The following MAP4K4 variants were observed in gnomAD, a reference collection of about 807,000 sequenced individuals.
The protein encoded by MAP4K4 is HPK/GCK-like kinase HGK.
In MAP4K4, 38 loss-of-function variants were observed where a neutral mutation model predicts 189.6. The observed-to-expected ratio is 0.20, with a 90% CI of 0.15 to 0.26. The LOEUF (loss-of-function observed/expected upper bound fraction) is 0.26. MAP4K4 is among the 10% of genes least tolerant of loss of function. The pLI, the probability that MAP4K4 is intolerant of heterozygous loss-of-function variation, is 1.00. For synonymous variants in MAP4K4, 610 were observed against 624.3 expected, an observed-to-expected ratio of 0.98 and a Z score of 0.34; for missense variants, 1,054 against 1,726.9, an observed-to-expected ratio of 0.61 and a Z score of 6.91.
At chr2:101,791,267 A>G (rs1426635062) in intron 3 of MAP4K4, among the ~76,000 whole-genome samples, 1 of 152,132 alleles carries the variant, frequency 6.6e-6, no homozygotes, top group East Asian at 1.9e-4. Flanking sequence ...TGCTGAGCAG[A>G]TTGTTGGCAA....
rs767160254 is a variant in MAP4K4, at chr2:101,824,465, CTTA to C, written c.306+416_306+418del. On this transcript the variant is annotated intron_variant, in intron 4 of 32. Coordinates refer to ENST00000324219, the Ensembl canonical transcript of MAP4K4. Reference sequence around the variant, plus strand: ...TCAAGAAACAAACTTCTGTCAGTAGCTTATTAATAATATTAATGATAATAGTTA... The same window carrying C: ...TCAAGAAACAAACTTCTGTCAGTAGCTTAATAATATTAATGATAATAGTTA... Among the ~76,000 whole-genome samples, 4 of 152,190 alleles carry C rather than the reference CTTA, an allele frequency of 2.6e-5. No individual in the cohort carries two copies. The East Asian group carries it at 5.8e-4, about 22-fold the overall frequency.
intron 21 of MAP4K4, 56 bp downstream of exon 21, chr2:101,868,093 G>C: frequency 1.3e-6 from 2 of 1,596,926 alleles, no homozygotes; most frequent in Non-Finnish European, 1.7e-6. Context: ...CCGCCTGTCA[G>C]CTCAGCTTGT....
At chr2:101,881,329 C>T (rs1388759642) in intron 27 of MAP4K4, among the ~76,000 whole-genome samples, 1 of 152,042 alleles carries the variant, frequency 6.6e-6, no homozygotes, top group Non-Finnish European at 1.5e-5. Context: ...TTTTATTAGG[C>T]TTGTATCCTG....
chr2:101,799,566 G>A (rs2094162814), intron 3 of MAP4K4, among the ~76,000 whole-genome samples: 1 of 151,108 alleles, frequency 6.6e-6, no homozygotes, highest in South Asian at 2.1e-4. Context: ...GTCTTCTTCT[G>A]CTGTATATGT....
rs535806773 is a variant in MAP4K4 at position 101,831,293 on chromosome 2, C to G, written c.509-428C>G. 5.3e-5 allele frequency among the ~76,000 whole-genome samples: 8 copies of G among 152,046 alleles called. No homozygotes were observed. The South Asian group carries it at 1.0e-3, about 20-fold the overall frequency. On this transcript the variant is annotated intron_variant, in intron 6 of 32. Coordinates refer to ENST00000324219, the Ensembl canonical transcript of MAP4K4. ...CTGTGTTTTTTTTCAAGAAAACTTT[C>G]GTGAAATTCTTATCTTTATGGTTAT...
chr2:101,757,793 G>C (rs1293212981), intron 2 of MAP4K4, among the ~76,000 whole-genome samples: 1 of 152,232 alleles, frequency 6.6e-6, no homozygotes, highest in Non-Finnish European at 1.5e-5. Context: ...GCCGAGGCGA[G>C]TGGATCGCTT....
At chr2:101,851,967 A>G (rs562189576) in intron 12 of MAP4K4, among the ~76,000 whole-genome samples, 20 of 151,786 alleles carry the variant, frequency 1.3e-4, no homozygotes, top group Non-Finnish European at 2.4e-4. Flanking sequence ...AAATAGATGG[A>G]TTAGTTGTTT....
At chr2:101,764,492 G>C (rs958840457) in intron 2 of MAP4K4, among the ~76,000 whole-genome samples, 4 of 152,168 alleles carry the variant, frequency 2.6e-5, no homozygotes, top group Non-Finnish European at 5.9e-5. Flanking sequence ...GATCCAGTGT[G>C]TGAATATATT....
chr2:101,703,289 G>A (rs1249662781), intron 2 of MAP4K4, among the ~76,000 whole-genome samples: 2 of 152,054 alleles, frequency 1.3e-5, no homozygotes, highest in Non-Finnish European at 2.9e-5. Context: ...GAATTCACTC[G>A]TTCTCTGCAG....
intron 3 of MAP4K4, among the ~76,000 whole-genome samples, chr2:101,816,769 C>T (rs542766926): frequency 6.6e-6 from 1 of 152,240 alleles, no homozygotes; most frequent in African/African-American, 2.4e-5. Context: ...GTGCCACTGA[C>T]CCAGTTGAAG....
chr2:101,795,982 A>G (rs957360924), intron 3 of MAP4K4, among the ~76,000 whole-genome samples: 1 of 152,232 alleles, frequency 6.6e-6, no homozygotes, highest in African/African-American at 2.4e-5. Flanking sequence ...GGATAAATCA[A>G]GGACAAACAT....
intron 5 of MAP4K4, among the ~76,000 whole-genome samples, chr2:101,829,256 C>A (rs2096507257): frequency 6.6e-6 from 1 of 152,156 alleles, no homozygotes; most frequent in South Asian, 2.1e-4. Context: ...AAAGGCACAG[C>A]TAGAAGTGAT....
At chr2:101,859,768 G>C (rs777809895) in exon 15 of MAP4K4, 1 of 1,609,940 alleles carries the variant, frequency 6.2e-7, no homozygotes. Context: ...CGCAGCACTC[G>C]CAGCAGCCGC....
At chr2:101,835,468 C>T (rs1262895953) in intron 8 of MAP4K4, among the ~76,000 whole-genome samples, 1 of 152,162 alleles carries the variant, frequency 6.6e-6, no homozygotes, top group Non-Finnish European at 1.5e-5. Context: ...TTAGCTATAA[C>T]AACAAACAGC....
intron 9 of MAP4K4, among the ~76,000 whole-genome samples, chr2:101,837,837 T>C (rs1041407784): frequency 5.3e-5 from 8 of 152,222 alleles, no homozygotes; most frequent in Non-Finnish European, 1.2e-4. Flanking sequence ...GTCCAACATA[T>C]AGTGATACAA....
At chr2:101,843,034 A>C (rs1419339187) in intron 11 of MAP4K4, among the ~76,000 whole-genome samples, 1 of 152,216 alleles carries the variant, frequency 6.6e-6, no homozygotes, top group Non-Finnish European at 1.5e-5. Context: ...ACATGGCTAC[A>C]CAAAAAGAAT....
chr2:101,842,584 A>G (rs748752937), intron 10 of MAP4K4, 25 bp from the exon 11 acceptor site: 14 of 1,559,376 alleles, frequency 9.0e-6, no homozygotes, highest in Admixed American at 1.8e-5. Context: ...GAACTGTCCC[A>G]TTTATCTTGT....
chr2:101,859,728 C>T (rs1209791165), exon 15 of MAP4K4: 1 of 1,612,490 alleles, frequency 6.2e-7, no homozygotes, highest in Admixed American at 1.7e-5. Context: ...TATCTCCTGT[C>T]TCTACAGCAT....
intron 2 of MAP4K4, among the ~76,000 whole-genome samples, chr2:101,744,956 T>A (rs1253351831): frequency 1.3e-5 from 2 of 152,182 alleles, no homozygotes; most frequent in Non-Finnish European, 2.9e-5. Context: ...TTGAAGGTAC[T>A]TTTGTCATCT....
Sources: gnomAD v4.1 joint callset for allele counts (sites outside exome capture counted in the v4.1 genomes callset) on GRCh38, gnomAD v4.1.1 for gene constraint, MANE v1.5 for transcripts, NCBI Gene and HGNC (gene_info 2026-07-23, HGNC 2026-07-21) for gene names.